PPP2CA: variants seen among roughly 807,000 people sequenced by gnomAD.
PPP2CA encodes protein phosphatase 2 catalytic subunit alpha, also known as serine/threonine-protein phosphatase 2A catalytic subunit alpha isoform.
PPP2CA carries 5 observed loss-of-function variants against 38.8 expected under a neutral mutation model. The ratio of observed to expected loss-of-function variants is 0.13; its 90% confidence interval spans 0.07 to 0.27. PPP2CA has a LOEUF of 0.27. Among genes scored for constraint, PPP2CA ranks in the 10% least tolerant of loss-of-function variants. The probability of loss-of-function intolerance (pLI) is 1.00; values close to 1 mark genes in which losing one functional copy is unlikely to be tolerated. For synonymous variants in PPP2CA, 152 were observed against 134.0 expected, an observed-to-expected ratio of 1.13 and a Z score of -0.93; for missense variants, 88 against 389.7, an observed-to-expected ratio of 0.23 and a Z score of 6.52.
chr5:134,221,075 T>C (rs1344704149), intron 1 of PPP2CA, among the ~76,000 whole-genome samples: 2 of 152,056 alleles, frequency 1.3e-5, no homozygotes, highest in South Asian at 2.1e-4. Flanking sequence ...CACACATGCA[T>C]GACATTTGAC....
At position 134,194,925 on chromosome 5, in the gene PPP2CA, T is replaced by C. The variant is rs373156920; in HGVS notation, c.*2847A>G. On this transcript the variant is annotated 3_prime_UTR_variant, in exon 7 of 7. Coordinates refer to ENST00000481195, the MANE Select transcript of PPP2CA (RefSeq NM_002715.4). Reference sequence around the variant, plus strand: ...GCCTGGCTGTTTTTAACCCTAGATGTAAATTAGAATCACTTGGGAAACTTA... The same window carrying C: ...GCCTGGCTGTTTTTAACCCTAGATGCAAATTAGAATCACTTGGGAAACTTA... 3.9e-5 allele frequency: 6 copies of C among 152,248 alleles called. No individual in the cohort carries two copies. In the East Asian group the frequency reaches 9.7e-4, roughly 25 times the overall value. 9.4% of individuals were successfully genotyped at this position (152,248 alleles called of 1,614,324 possible).
chr5:134,215,336 G>A (rs1329906850), intron 1 of PPP2CA, among the ~76,000 whole-genome samples: 3 of 152,042 alleles, frequency 2.0e-5, no homozygotes, highest in East Asian at 1.9e-4. Context: ...TCGGGAGGCC[G>A]AGGCAGGTGG....
At chr5:134,213,331 G>A (rs1193672550) in intron 1 of PPP2CA, among the ~76,000 whole-genome samples, 1 of 151,522 alleles carries the variant, frequency 6.6e-6, no homozygotes, top group Non-Finnish European at 1.5e-5. Context: ...TCTAGAAATG[G>A]AACAACAAAG....
intron 1 of PPP2CA, among the ~76,000 whole-genome samples, chr5:134,215,376 C>T (rs1762294849): frequency 6.6e-6 from 1 of 151,936 alleles, no homozygotes. Context: ...TCAAGACCAG[C>T]CTGGCCAAAG....
chr5:134,203,690 G>C (rs542711722), intron 2 of PPP2CA: 3 of 152,144 alleles, frequency 2.0e-5, no homozygotes, highest in African/African-American at 7.2e-5. Context: ...AATGAATTTT[G>C]GGGGCTACAA....
chr5:134,217,847 T>C (rs775476459), intron 1 of PPP2CA, among the ~76,000 whole-genome samples: 1 of 152,248 alleles, frequency 6.6e-6, no homozygotes, highest in East Asian at 1.9e-4. Flanking sequence ...CAAATCTAGA[T>C]AGTATAGACT....
intron 5 of PPP2CA, 96 bp from the exon 6 acceptor site, chr5:134,199,300 C>A: frequency 2.2e-6 from 2 of 893,066 alleles, no homozygotes; most frequent in South Asian, 1.5e-5. Context: ...CTCATTCCCA[C>A]CCCTGCCAAA....
intron 5 of PPP2CA, among the ~76,000 whole-genome samples, chr5:134,199,926 CA>C (rs1761938907): frequency 6.6e-6 from 1 of 152,162 alleles, no homozygotes; most frequent in African/African-American, 2.4e-5. Flanking sequence ...TCCCTTCTTT[CA>C]AATCACCTGT....
chr5:134,198,489 G>A (rs1347400594), intron 6 of PPP2CA, among the ~76,000 whole-genome samples: 2 of 152,162 alleles, frequency 1.3e-5, no homozygotes, highest in East Asian at 1.9e-4. Context: ...AGTTCCTGTT[G>A]GTGTGTTTCA....
At position 134,199,081 on chromosome 5, in the gene PPP2CA, C is replaced by T. The variant is rs1476675418; in HGVS notation, c.857+5G>A. On this transcript the variant is annotated splice_donor_5th_base_variant and intron_variant, in intron 6 of 6. Coordinates refer to ENST00000481195, the MANE Select transcript of PPP2CA (RefSeq NM_002715.4). ...GCAAGAAAATGTTCAGGTAGAATTA[C>T]TTACAAAGAGTATTTTAGAGTATCG... 1 of 1,593,258 alleles carries T rather than the reference C, an allele frequency of 6.3e-7. No individual in the cohort carries two copies. Among genetic ancestry groups the T allele is most frequent in the Non-Finnish European group, 8.6e-7 (1 of 1,161,262 alleles).
intron 1 of PPP2CA, among the ~76,000 whole-genome samples, chr5:134,220,002 C>T (rs1326187978): frequency 7.1e-5 from 7 of 98,434 alleles, no homozygotes; most frequent in East Asian, 2.5e-4. Flanking sequence ...CAGAGCGAGG[C>T]TCCGTATCAA....
At chr5:134,218,608 C>T (rs919649728) in intron 1 of PPP2CA, among the ~76,000 whole-genome samples, 1 of 151,940 alleles carries the variant, frequency 6.6e-6, no homozygotes, top group Non-Finnish European at 1.5e-5. Context: ...TTCAACCACT[C>T]TGGGTCTCAG....
In PPP2CA at chr5:134,195,743, T is replaced by G. The variant is rs1294961242; in HGVS notation, c.*2029A>C. 6.6e-6 allele frequency: 1 copy of G among 152,236 alleles called. No individual in the cohort carries two copies. Among genetic ancestry groups the G allele is most frequent in the African/African-American group, 2.4e-5 (1 of 41,472 alleles). 9.4% of individuals were successfully genotyped at this position (152,236 alleles called of 1,614,324 possible). On this transcript the variant is annotated 3_prime_UTR_variant, in exon 7 of 7. Coordinates refer to ENST00000481195, the MANE Select transcript of PPP2CA (RefSeq NM_002715.4). ...GGTAGGGTACTAACACTTTCCAGTT[T>G]AGATGGCCAAAGCCCGGTCAGTCTC...
At chr5:134,205,639 T>C (rs1432688646) in intron 2 of PPP2CA, 3 of 329,002 alleles carry the variant, frequency 9.1e-6, no homozygotes, top group African/African-American at 4.3e-5. Context: ...TACCTCAGCG[T>C]CCCAAAGTGC....
intron 3 of PPP2CA, 129 bp downstream of exon 3, chr5:134,201,719 G>T: frequency 3.9e-6 from 4 of 1,038,422 alleles, no homozygotes; most frequent in Non-Finnish European, 5.5e-6. Flanking sequence ...AAGTTTGAAT[G>T]AATGCTATCA....
At chr5:134,199,610 C>G (rs1036699912) in intron 5 of PPP2CA, among the ~76,000 whole-genome samples, 6 of 152,176 alleles carry the variant, frequency 3.9e-5, no homozygotes, top group African/African-American at 1.4e-4. Flanking sequence ...GAAGTAGATA[C>G]TTAATCCTGG....
chr5:134,201,278 C>A (rs189999061), intron 3 of PPP2CA, among the ~76,000 whole-genome samples: 1 of 152,236 alleles, frequency 6.6e-6, no homozygotes, highest in African/African-American at 2.4e-5. Context: ...AGCTGGGCAC[C>A]CCCATCACTT....
chr5:134,219,264 T>G (rs1480899857), intron 1 of PPP2CA, among the ~76,000 whole-genome samples: 3 of 152,226 alleles, frequency 2.0e-5, no homozygotes, highest in Non-Finnish European at 4.4e-5. Context: ...AATAAGGTAG[T>G]GCTTTTTAGA....
chr5:134,197,829 T>G lies in PPP2CA; in HGVS notation c.873A>C (p.Pro291=). 6.2e-7 allele frequency: 1 copy of G among 1,614,114 alleles called. No individual in the cohort carries two copies. The highest frequency in any genetic ancestry group is 1.1e-5 in the South Asian group (1 of 91,078). ...CATGTGGCTCGCCTCTACGAGGTGCTGGGTCAAACTGCAAGCTGAAAAACA... is the reference window on the plus strand; with the variant it reads ...CATGTGGCTCGCCTCTACGAGGTGCGGGGTCAAACTGCAAGCTGAAAAACA... ...TLKYSFLQFD[P]APRRGEPHVT... is the part of the protein sequence containing the mutation. Residue 291 remains proline, a synonymous_variant, in exon 7 of 7, where the codon CCA becomes CCC. Transcript: ENST00000481195.
Sources: allele counts gnomAD v4.1 joint callset (sites outside exome capture counted in the v4.1 genomes callset), GRCh38; gene constraint gnomAD v4.1.1; transcripts MANE v1.5; gene names NCBI Gene and HGNC (gene_info 2026-07-23, HGNC 2026-07-21).